The following GSE1 variants were observed in gnomAD, a reference collection of about 807,000 sequenced individuals.
GSE1 encodes the protein genetic suppressor element 1.
In GSE1, 32 loss-of-function variants were observed where a neutral mutation model predicts 112.6. The ratio of observed to expected loss-of-function variants is 0.28; its 90% CI spans 0.21 to 0.38. GSE1 has a LOEUF of 0.38. Among genes scored for constraint, GSE1 ranks in the 10% least tolerant of loss-of-function variants. GSE1 has a pLI of 1.00. For missense variants in GSE1, 2,348 were observed against 1,699.2 expected (o/e 1.38, Z -6.71); for synonymous variants, 1,115 against 735.6 (o/e 1.52, Z -8.35).
At chr16:85,276,034 C>T (rs1909329011) in intron 1 of GSE1, among the ~76,000 whole-genome samples, 1 of 152,254 alleles carries the variant, frequency 6.6e-6, no homozygotes, top group Non-Finnish European at 1.5e-5. Context: ...CAGTTGAGTC[C>T]TGTGCTAGCA....
At chr16:85,557,195 C>G (rs1445215512) in intron 1 of GSE1, among the ~76,000 whole-genome samples, 1 of 152,168 alleles carries the variant, frequency 6.6e-6, no homozygotes, top group Non-Finnish European at 1.5e-5. Context: ...GGGTTCTTCC[C>G]CACCGCGCGC....
At chr16:85,389,474 A>AT (rs1028551344) in intron 2 of GSE1, among the ~76,000 whole-genome samples, 3 of 151,660 alleles carry the variant, frequency 2.0e-5, no homozygotes, top group Non-Finnish European at 2.9e-5. Context: ...AAAAAAAAAA[A>AT]AAAAAAAGTG....
rs145498092 is a variant in GSE1 at position 85,630,469 on chromosome 16, T to C, written c.8-3445T>C. 7.2e-4 allele frequency among the ~76,000 whole-genome samples: 109 copies of C among 152,228 alleles called. 2 individuals are homozygous for C. Among genetic ancestry groups the C allele is most frequent in the Middle Eastern group, 3.4e-3 (1 of 294 alleles). The stretch of plus-strand genomic sequence containing the variant: ...AATAATCCTCCCAAACAGCGGAGAT[T>C]ACAGGTACGCATGTGTCGTTTCAGG... On this transcript the variant is annotated intron_variant, in intron 1 of 15. Transcript: ENST00000253458.
intron 1 of GSE1, among the ~76,000 whole-genome samples, chr16:85,575,485 C>T (rs957430062): frequency 1.3e-5 from 2 of 152,146 alleles, no homozygotes; most frequent in African/African-American, 4.8e-5. Flanking sequence ...CTCGTCTCCC[C>T]TCTCGTCTCC....
At chr16:85,488,842 T>C (rs2151889247) in intron 2 of GSE1, among the ~76,000 whole-genome samples, 1 of 152,162 alleles carries the variant, frequency 6.6e-6, no homozygotes, top group Admixed American at 6.5e-5. Flanking sequence ...GGTGATTTCC[T>C]GGACAGTGTG....
chr16:85,328,442 A>G (rs2046270955), intron 1 of GSE1, among the ~76,000 whole-genome samples: 1 of 152,178 alleles, frequency 6.6e-6, no homozygotes, highest in Non-Finnish European at 1.5e-5. Flanking sequence ...TTTTCCAACA[A>G]AGGAAGCCTG....
intron 2 of GSE1, among the ~76,000 whole-genome samples, chr16:85,370,426 C>G (rs1830028903): frequency 1.3e-5 from 2 of 152,212 alleles, no homozygotes; most frequent in African/African-American, 2.4e-5. Context: ...GATGGGCTCT[C>G]ACAAGACGCA....
chr16:85,320,254 C>T (rs1183306478), intron 1 of GSE1, among the ~76,000 whole-genome samples: 1 of 152,240 alleles, frequency 6.6e-6, no homozygotes, highest in African/African-American at 2.4e-5. Flanking sequence ...AGGGAGTGGG[C>T]GGCGCATGAG....
At chr16:85,630,911 C>T (rs917978584) in intron 1 of GSE1, among the ~76,000 whole-genome samples, 3 of 152,116 alleles carry the variant, frequency 2.0e-5, no homozygotes, top group African/African-American at 7.2e-5. Flanking sequence ...TGGTGGGTGA[C>T]AGTTCAGCTG....
At chr16:85,283,625 G>A (rs1317014501) in intron 1 of GSE1, 1 of 152,330 alleles carries the variant, frequency 6.6e-6, no homozygotes, top group Non-Finnish European at 1.5e-5. Context: ...CCAGCAGGCG[G>A]GGTTTGATGC....
At chr16:85,357,744 CT>C in intron 2 of GSE1, 1 of 701,038 alleles carries the variant, frequency 1.4e-6, no homozygotes, top group Non-Finnish European at 2.1e-6. Context: ...ACAGTTCCGC[CT>C]TGTGTCCTCG....
chr16:85,172,343 A>G (rs897003451), intron 1 of GSE1, among the ~76,000 whole-genome samples: 1 of 152,174 alleles, frequency 6.6e-6, no homozygotes, highest in Non-Finnish European at 1.5e-5. Context: ...GGCGGAGGGA[A>G]ATAGGGTTCC....
intron 1 of GSE1, among the ~76,000 whole-genome samples, chr16:85,281,979 G>A (rs901184117): frequency 1.3e-5 from 2 of 152,062 alleles, no homozygotes; most frequent in African/African-American, 4.8e-5. Context: ...TGGCACAGAT[G>A]GTGCCGGGTG....
chr16:85,211,648 C>T (rs1172561444), intron 1 of GSE1, among the ~76,000 whole-genome samples: 8 of 152,204 alleles, frequency 5.3e-5, no homozygotes, highest in Admixed American at 5.2e-4. Context: ...GTGTGGTTCC[C>T]ATCTGGCCTG....
intron 1 of GSE1, among the ~76,000 whole-genome samples, chr16:85,295,732 G>T (rs28503218): frequency 1.3e-5 from 2 of 151,766 alleles, no homozygotes; most frequent in Admixed American, 1.3e-4. Context: ...AACACACATC[G>T]ATCCTTTTTC....
At chr16:85,292,061 G>A (rs2045232039) in intron 1 of GSE1, among the ~76,000 whole-genome samples, 1 of 152,074 alleles carries the variant, frequency 6.6e-6, no homozygotes. Context: ...TTGCTGTGCA[G>A]CTTTGGGCAC....
In GSE1 at chr16:85,674,803, A is replaced by AGTT. The variant is rs2053591888; in HGVS notation, c.*2266_*2268dup. 6.6e-6 allele frequency: 1 copy of AGTT among 152,530 alleles called. No individual in the cohort carries two copies. The highest frequency in any genetic ancestry group is 2.1e-4 in the South Asian group (1 of 4,828). The allele number at this position is 152,530 out of a possible 1,614,324, so 9.4% of individuals were successfully genotyped here. ...GGAGCAGTGTCACTGTGCTAGCAAT[A>AGTT]GTTGGCTTCTCCCCTGTCAGTGGAA... On this transcript the variant is annotated 3_prime_UTR_variant, in exon 16 of 16. Coordinates refer to ENST00000253458, the MANE Select transcript of GSE1 (RefSeq NM_014615.5).
intron 1 of GSE1, among the ~76,000 whole-genome samples, chr16:85,250,775 C>A (rs117346100): frequency 0.019 from 2,832 of 152,186 alleles, 36 homozygotes; most frequent in African/African-American, 0.024. Flanking sequence ...TAATTCTAGA[C>A]TATTTCCACC....
At chr16:85,607,538 T>C (rs919489763), upstream of GSE1, among the ~76,000 whole-genome samples, 2 of 152,092 alleles carry the variant, frequency 1.3e-5, no homozygotes, top group African/African-American at 4.8e-5. Context: ...GCAGGAAGTG[T>C]GGGGCAGCCC....
Sources: allele counts gnomAD v4.1 joint callset (sites outside exome capture counted in the v4.1 genomes callset), GRCh38; gene constraint gnomAD v4.1.1; transcripts MANE v1.5; gene names NCBI Gene and HGNC (gene_info 2026-07-23, HGNC 2026-07-21).